GPC3: variants seen among roughly 807,000 people sequenced by gnomAD.
GPC3 encodes glypican-3.
Under a neutral mutation model 34.4 loss-of-function variants are expected in GPC3, and 3 were observed. The observed-to-expected ratio is 0.09, with a 90% CI of 0.04 to 0.23. The LOEUF (loss-of-function observed/expected upper bound fraction) is 0.23. Among genes scored for constraint, GPC3 ranks in the 10% least tolerant of loss-of-function variants. The probability of loss-of-function intolerance (pLI) is 1.00; values close to 1 mark genes in which losing one functional copy is unlikely to be tolerated. For synonymous variants in GPC3, 177 were observed against 174.0 expected (o/e 1.02, Z -0.13); for missense variants, 351 against 445.6 (o/e 0.79, Z 1.91).
At chrX:133,678,707 A>G (rs1265079808) in intron 5 of GPC3, among the ~76,000 whole-genome samples, 1 of 112,069 alleles carries the variant, frequency 8.9e-6, no homozygotes, top group Non-Finnish European at 1.9e-5. Flanking sequence ...CTGGGGTTTG[A>G]AAAAGCTGGG....
chrX:133,960,478 A>T (rs2076436920), intron 1 of GPC3, among the ~76,000 whole-genome samples: 1 of 111,911 alleles, frequency 8.9e-6, no homozygotes, highest in South Asian at 3.7e-4. Flanking sequence ...TTAGTTAATA[A>T]CTACAAATTG....
chrX:133,761,570 TTA>T (rs1486258291), intron 2 of GPC3, among the ~76,000 whole-genome samples: 6 of 112,001 alleles, frequency 5.4e-5, no homozygotes, highest in African/African-American at 1.9e-4. Flanking sequence ...TCACAGGCTA[TTA>T]TATATATCAT....
intron 2 of GPC3, among the ~76,000 whole-genome samples, chrX:133,770,403 A>C (rs2124493577): frequency 8.9e-6 from 1 of 112,584 alleles, no homozygotes; most frequent in Admixed American, 9.4e-5. Context: ...AGAAGTTATA[A>C]AAATGGAGAG....
chrX:133,538,835 A>G (rs1329854487), intron 7 of GPC3, among the ~76,000 whole-genome samples: 2 of 103,824 alleles, frequency 1.9e-5, no homozygotes, highest in African/African-American at 7.0e-5. Flanking sequence ...CCAGAAAAAA[A>G]AAATACAAAT....
At chrX:133,789,634 A>G (rs1019421129) in intron 2 of GPC3, among the ~76,000 whole-genome samples, 6 of 112,121 alleles carry the variant, frequency 5.4e-5, no homozygotes, top group Non-Finnish European at 7.5e-5. Context: ...AATGCTTTCA[A>G]CTACATTTTG....
At chrX:133,605,633 A>T (rs780189774) in intron 6 of GPC3, among the ~76,000 whole-genome samples, 43 of 112,409 alleles carry the variant, frequency 3.8e-4, no homozygotes, top group Non-Finnish European at 5.3e-4. Flanking sequence ...AAGTTATTGG[A>T]CATGTTAACT....
chrX:133,653,551 T>C (rs1320875961), intron 6 of GPC3, among the ~76,000 whole-genome samples: 1 of 111,176 alleles, frequency 9.0e-6, no homozygotes, highest in African/African-American at 3.3e-5. Context: ...ACTCTGTGAG[T>C]GGGTAAAAGG....
intron 3 of GPC3, among the ~76,000 whole-genome samples, chrX:133,707,352 T>C (rs1400941159): frequency 2.7e-5 from 3 of 111,640 alleles, no homozygotes; most frequent in African/African-American, 6.5e-5. Flanking sequence ...ACTCCCTGAA[T>C]CCCAAAAAAA....
chrX:133,955,488 A>G (rs1023208330), intron 1 of GPC3, among the ~76,000 whole-genome samples: 3 of 111,124 alleles, frequency 2.7e-5, no homozygotes, highest in African/African-American at 9.8e-5. Context: ...CATCTATTCC[A>G]TATTGGATTA....
At chrX:133,645,435 T>C (rs1479942671) in intron 6 of GPC3, among the ~76,000 whole-genome samples, 2 of 112,057 alleles carry the variant, frequency 1.8e-5, no homozygotes, top group African/African-American at 3.2e-5. Flanking sequence ...TGGGCCTGAA[T>C]TGAACACTCT....
intron 1 of GPC3, among the ~76,000 whole-genome samples, chrX:133,976,202 T>C (rs2076513869): frequency 8.9e-6 from 1 of 112,245 alleles, no homozygotes; most frequent in Non-Finnish European, 1.9e-5. Flanking sequence ...GCTTAGTCTC[T>C]AGATTATTAA....
Position 133,772,690 on chromosome X carries a change from G to A in GPC3, c.338-18514C>T, listed in dbSNP as rs188369571. 3.6e-5 allele frequency among the ~76,000 whole-genome samples: 4 copies of A among 112,124 alleles called. No homozygotes were observed. The East Asian group carries it at 1.1e-3, about 31-fold the overall frequency. On this transcript the variant is annotated intron_variant, in intron 2 of 7. Transcript: ENST00000370818. ...AATGATGACTAAATAACAGTAACAA[G>A]AACAATGATGACAATAGTAACAAGA...
chrX:133,631,927 AC>A lies in GPC3; in HGVS notation c.1413+29802del, dbSNP rs200078378. On this transcript the variant is annotated intron_variant, in intron 6 of 7. Transcript: ENST00000370818. ...TGAAGGAGCACGTATTAAAAAAAAA[AC>A]AAACTCAAACCAACAAAAGTTCTGT... Among the ~76,000 whole-genome samples the A allele has an allele frequency of 1.7e-3, 187 of 110,385 alleles. 1 individual carries two copies. Among genetic ancestry groups the A allele is most frequent in the African/African-American group, 5.9e-3 (179 of 30,206 alleles).
At chrX:133,647,661 T>G (rs1376041451) in intron 6 of GPC3, among the ~76,000 whole-genome samples, 2 of 111,699 alleles carry the variant, frequency 1.8e-5, no homozygotes, top group Non-Finnish European at 3.8e-5. Context: ...GGGCCCCCAC[T>G]CTTCTTTGTG....
At chrX:133,609,290 T>C (rs1208905983) in intron 6 of GPC3, among the ~76,000 whole-genome samples, 1 of 112,525 alleles carries the variant, frequency 8.9e-6, no homozygotes, top group African/African-American at 3.2e-5. Flanking sequence ...TAGACTCTTA[T>C]GCGGGCCATT....
At chrX:133,909,460 C>A (rs1204077625) in intron 2 of GPC3, among the ~76,000 whole-genome samples, 2 of 112,147 alleles carry the variant, frequency 1.8e-5, no homozygotes. Flanking sequence ...ACTTTTTCCT[C>A]AACCCTTATC....
In GPC3 at chrX:133,780,082, G is replaced by A. The variant is rs984180832; in HGVS notation, c.338-25906C>T. On this transcript the variant is annotated intron_variant, in intron 2 of 7. Transcript: ENST00000370818. ...AGAGGCTGAAAGTAGGCTGGGGCGA[G>A]GCTGGGAAATGACCTAGACGCCATG... Among the ~76,000 whole-genome samples, 8 of 111,808 alleles carry A rather than the reference G, an allele frequency of 7.2e-5. No homozygotes were observed. The East Asian group carries it at 2.2e-3, about 31-fold the overall frequency.
In GPC3 at chrX:133,581,034, C is replaced by T. The variant is rs188047212; in HGVS notation, c.1573+15406G>A. 1.1e-4 allele frequency among the ~76,000 whole-genome samples: 12 copies of T among 112,310 alleles called. No individual in the cohort carries two copies. The East Asian group carries it at 1.1e-3, about 11-fold the overall frequency. ...TGAAGCCAAGGCTAATACCGGCACA[C>T]GGTATACATTTGTCTTAATGCCATC... is the stretch of plus-strand genomic sequence containing the variant. On this transcript the variant is annotated intron_variant, in intron 7 of 7. Transcript: ENST00000370818.
At chrX:133,673,086 G>A (rs957932169) in intron 5 of GPC3, among the ~76,000 whole-genome samples, 7 of 109,346 alleles carry the variant, frequency 6.4e-5, no homozygotes, top group African/African-American at 2.0e-4. Flanking sequence ...GATTACAGGC[G>A]CACACCACCA....
Sources: allele counts gnomAD v4.1 joint callset (sites outside exome capture counted in the v4.1 genomes callset), GRCh38; gene constraint gnomAD v4.1.1; transcripts MANE v1.5; gene names NCBI Gene and HGNC (gene_info 2026-07-23, HGNC 2026-07-21).